The following RERE variants were observed in gnomAD, a reference collection of about 807,000 sequenced individuals.
RERE encodes arginine-glutamic acid dipeptide repeats.
A neutral mutation model predicts 146.1 loss-of-function variants in RERE; 40 were observed. The ratio of observed to expected loss-of-function variants is 0.27; its 90% CI spans 0.21 to 0.36. The LOEUF (loss-of-function observed/expected upper bound fraction) is 0.36. RERE is among the 10% of genes least tolerant of loss of function. The probability of loss-of-function intolerance (pLI) is 1.00; values close to 1 mark genes in which losing one functional copy is unlikely to be tolerated. For synonymous variants in RERE, 1,003 were observed against 866.0 expected, an observed-to-expected ratio of 1.16 and a Z score of -2.78; for missense variants, 1,933 against 2,138.7, an observed-to-expected ratio of 0.90 and a Z score of 1.90.
intron 1 of RERE, among the ~76,000 whole-genome samples, chr1:8,791,707 A>G (rs1641365872): frequency 6.6e-6 from 1 of 152,222 alleles, no homozygotes; most frequent in Admixed American, 6.5e-5. Flanking sequence ...AAGCATGATT[A>G]TTCTGAAATC....
At chr1:8,618,125 T>C (rs572200707) in intron 3 of RERE, among the ~76,000 whole-genome samples, 3 of 152,328 alleles carry the variant, frequency 2.0e-5, no homozygotes, top group African/African-American at 7.2e-5. Flanking sequence ...AGCCAGCCAA[T>C]GTGCTAAGCA....
intron 11 of RERE, among the ~76,000 whole-genome samples, chr1:8,446,189 C>T (rs1644316246): frequency 6.6e-6 from 1 of 152,190 alleles, no homozygotes; most frequent in South Asian, 2.1e-4. Context: ...AATATTGGCC[C>T]CCACGGTCTT....
intron 1 of RERE, among the ~76,000 whole-genome samples, chr1:8,664,082 C>T (rs1033118177): frequency 1.3e-5 from 2 of 152,194 alleles, no homozygotes; most frequent in Admixed American, 6.5e-5. Context: ...ACTGCAAAGT[C>T]CACAAAGGCA....
At chr1:8,545,109 G>A (rs1243419834) in intron 6 of RERE, among the ~76,000 whole-genome samples, 2 of 152,172 alleles carry the variant, frequency 1.3e-5, no homozygotes, top group African/African-American at 4.8e-5. Flanking sequence ...GAATAGATGA[G>A]GAGGGACCGT....
At position 8,412,212 on chromosome 1, in the gene RERE, G is replaced by A. The variant is rs186637208; in HGVS notation, c.1284+10515C>T. On this transcript the variant is annotated intron_variant, in intron 12 of 22. Coordinates refer to ENST00000400908, the MANE Select transcript of RERE (RefSeq NM_001042681.2). ...CAACTCCTGCACATGGGAACAAAGC[G>A]ACAATGGCAGCAGCTGCAAATACAT... 9.2e-5 allele frequency among the ~76,000 whole-genome samples: 14 copies of A among 152,284 alleles called. No homozygotes were observed. In the East Asian group the frequency reaches 2.7e-3, roughly 29 times the overall value.
At chr1:8,442,710 G>C (rs1388393579) in intron 11 of RERE, among the ~76,000 whole-genome samples, 1 of 152,150 alleles carries the variant, frequency 6.6e-6, no homozygotes, top group Non-Finnish European at 1.5e-5. Context: ...TTTGCAACGG[G>C]GTAATGGACA....
At chr1:8,765,914 T>C (rs1015974504) in intron 1 of RERE, among the ~76,000 whole-genome samples, 1 of 151,882 alleles carries the variant, frequency 6.6e-6, no homozygotes, top group Admixed American at 6.6e-5. Flanking sequence ...ATCGCACCAC[T>C]GCACTCCAGC....
Position 8,752,228 on chromosome 1 carries a change from C to T in RERE, c.-145+64932G>A, listed in dbSNP as rs534903377. Among the ~76,000 whole-genome samples, 4 of 152,106 alleles carry T rather than the reference C, an allele frequency of 2.6e-5. No individual in the cohort carries two copies. The South Asian group carries it at 8.3e-4, about 32-fold the overall frequency. On this transcript the variant is annotated intron_variant, in intron 1 of 22. Coordinates refer to ENST00000400908, the MANE Select transcript of RERE (RefSeq NM_001042681.2). The stretch of plus-strand genomic sequence containing the variant: ...GGAAAAAAAAAAATTCACTATCACC[C>T]AGAAGGCGATCATACGATGATGAAT...
chr1:8,384,764 G>A (rs1254980059), intron 12 of RERE, among the ~76,000 whole-genome samples: 2 of 152,208 alleles, frequency 1.3e-5, no homozygotes, highest in Non-Finnish European at 2.9e-5. Context: ...TAATAAAGAG[G>A]TTGGGCTACT....
chr1:8,497,410 T>C lies in RERE; in HGVS notation c.999A>G (p.Ala333=), dbSNP rs1645059840. Residue 333 remains alanine, a synonymous_variant, in exon 9 of 23, where the codon GCA becomes GCG. Coordinates refer to ENST00000400908, the MANE Select transcript of RERE (RefSeq NM_001042681.2). The part of the protein sequence containing the change: ...NDCDLLMYLR[A]ARSMAAFAGM... ...TGGGGGTAGATTCCTATTACCTTGC[T>C]GCCCTCAAGTACATAAGGAGGTCAC... 2 of 1,614,016 alleles carry C rather than the reference T, an allele frequency of 1.2e-6. No individual in the cohort carries two copies. The highest frequency in any genetic ancestry group is 1.7e-5 in the Admixed American group (1 of 59,998).
chr1:8,731,934 C>A (rs375291192), intron 1 of RERE, among the ~76,000 whole-genome samples: 3 of 152,188 alleles, frequency 2.0e-5, no homozygotes, highest in African/African-American at 7.2e-5. Flanking sequence ...TCCCCAGCAG[C>A]TGGGACTACA....
At chr1:8,571,564 T>A (rs979768599) in intron 4 of RERE, among the ~76,000 whole-genome samples, 1 of 152,234 alleles carries the variant, frequency 6.6e-6, no homozygotes, top group African/African-American at 2.4e-5. Flanking sequence ...GCAGGAACAC[T>A]AAAAAATTAT....
chr1:8,448,336 A>G (rs745360874), intron 11 of RERE, among the ~76,000 whole-genome samples: 1 of 152,212 alleles, frequency 6.6e-6, no homozygotes, highest in Non-Finnish European at 1.5e-5. Context: ...ACCAGAAAGC[A>G]GGTTTACCAA....
chr1:8,454,075 T>C (rs927633214), intron 11 of RERE, among the ~76,000 whole-genome samples: 4 of 152,232 alleles, frequency 2.6e-5, no homozygotes, highest in Non-Finnish European at 4.4e-5. Context: ...GCACAGAGCA[T>C]GGCTGCAGTG....
At chr1:8,674,529 G>A (rs1227950703) in intron 1 of RERE, among the ~76,000 whole-genome samples, 1 of 152,124 alleles carries the variant, frequency 6.6e-6, no homozygotes, top group African/African-American at 2.4e-5. Context: ...AACAACACTT[G>A]TACTGGTCTT....
At chr1:8,461,086 C>A (rs1322146379) in intron 11 of RERE, among the ~76,000 whole-genome samples, 2 of 152,174 alleles carry the variant, frequency 1.3e-5, no homozygotes, top group African/African-American at 4.8e-5. Context: ...AATAACCACC[C>A]AAGCATGGAA....
Position 8,694,918 on chromosome 1 carries a change from A to T in RERE, c.-144-38477T>A, listed in dbSNP as rs1463435896. 2.7e-5 allele frequency among the ~76,000 whole-genome samples: 4 copies of T among 147,598 alleles called. No homozygotes were observed. In the East Asian group the frequency reaches 8.2e-4, roughly 30 times the overall value. On this transcript the variant is annotated intron_variant, in intron 1 of 22. Coordinates refer to ENST00000400908, the MANE Select transcript of RERE (RefSeq NM_001042681.2). ...ATTTTTCACAGAATTAAACAAAGTA[A>T]TTCTAAAATTCATATGAAACCAAAA...
intron 7 of RERE, among the ~76,000 whole-genome samples, chr1:8,536,383 C>T (rs1187672558): frequency 2.0e-5 from 3 of 151,936 alleles, no homozygotes; most frequent in African/African-American, 7.3e-5. Flanking sequence ...AGGATCAAGC[C>T]GTCAGATTAA....
At chr1:8,358,944 GT>G (rs752993887) in intron 19 of RERE, 28 bp from the exon 20 acceptor site, 1 of 1,504,120 alleles carries the variant, frequency 6.6e-7, no homozygotes, top group South Asian at 1.3e-5. Flanking sequence ...AGCGTGAGGG[GT>G]CCCCCGAGCG....
Sources: allele counts gnomAD v4.1 joint callset (sites outside exome capture counted in the v4.1 genomes callset), GRCh38; gene constraint gnomAD v4.1.1; transcripts MANE v1.5; gene names NCBI Gene and HGNC (gene_info 2026-07-23, HGNC 2026-07-21).